Variants in OSBPL10 observed in about 807,000 individuals in gnomAD.
OSBPL10 encodes the protein oxysterol binding protein like 10, also known as oxysterol-binding protein-related protein 10.
OSBPL10 carries 49 observed loss-of-function variants against 81.7 expected under a neutral mutation model. The ratio of observed to expected loss-of-function variants is 0.60; its 90% CI spans 0.48 to 0.76. The LOEUF (loss-of-function observed/expected upper bound fraction) is 0.76. OSBPL10 is among the 30% of genes least tolerant of loss of function. The pLI is 0.00. For missense variants in OSBPL10, 923 were observed against 987.8 expected, an observed-to-expected ratio of 0.93 and a Z score of 0.88; for synonymous variants, 419 against 383.6, an observed-to-expected ratio of 1.09 and a Z score of -1.08.
chr3:31,971,884 A>G (rs1463482627), intron 1 of OSBPL10, among the ~76,000 whole-genome samples: 3 of 152,200 alleles, frequency 2.0e-5, no homozygotes, highest in Non-Finnish European at 4.4e-5. Context: ...CTTTACAGAA[A>G]AGTCTGCTCC....
At chr3:32,025,818 C>G (rs1699400177) in intron 2 of OSBPL10, among the ~76,000 whole-genome samples, 2 of 152,114 alleles carry the variant, frequency 1.3e-5, no homozygotes, top group South Asian at 4.1e-4. Context: ...AATGTCCTCT[C>G]TTTCATTCCT....
chr3:31,828,541 T>C (rs1307236156), intron 4 of OSBPL10, among the ~76,000 whole-genome samples: 2 of 152,216 alleles, frequency 1.3e-5, no homozygotes, highest in East Asian at 3.9e-4. Flanking sequence ...TTTTTCTTTT[T>C]CTTTTTTCTG....
chr3:31,842,662 T>G (rs1700527778), intron 3 of OSBPL10, among the ~76,000 whole-genome samples: 1 of 152,200 alleles, frequency 6.6e-6, no homozygotes, highest in African/African-American at 2.4e-5. Flanking sequence ...CATTTCTTCC[T>G]GTCCCCAGAG....
intron 2 of OSBPL10, among the ~76,000 whole-genome samples, chr3:32,006,460 T>C (rs957364832): frequency 6.6e-6 from 1 of 152,230 alleles, no homozygotes; most frequent in African/African-American, 2.4e-5. Flanking sequence ...TCTAATATAA[T>C]CCATTGAACT....
intron 2 of OSBPL10, among the ~76,000 whole-genome samples, chr3:31,992,574 G>A (rs1172294206): frequency 6.6e-6 from 1 of 152,160 alleles, no homozygotes; most frequent in African/African-American, 2.4e-5. Flanking sequence ...CTCTGGTTCT[G>A]TCATTGCATC....
In OSBPL10 at chr3:32,026,011, C is replaced by CATAGATAGATAG. The variant is rs10662309; in HGVS notation, n.298+20468_298+20479dup. ...TATATGGAGCCTTTATATATACAGA[C>CATAGATAGATAG]ATAGATAGATAGATAGATAGATAGA... is the stretch of plus-strand genomic sequence containing the variant. On this transcript the variant is annotated intron_variant and non_coding_transcript_variant, in intron 2 of 3. Coordinates refer to the OSBPL10 transcript ENST00000479173. Among the ~76,000 whole-genome samples the CATAGATAGATAG allele has an allele frequency of 7.7e-3, 991 of 128,306 alleles. 7 individuals are homozygous for CATAGATAGATAG. Among genetic ancestry groups the CATAGATAGATAG allele is most frequent in the East Asian group, 9.9e-3 (44 of 4,458 alleles). 84.2% of individuals were successfully genotyped at this position (128,306 alleles called of 152,430 possible). A position where few individuals can be genotyped will look rare whatever the true frequency, so the allele number is the denominator to read the frequency against.
intron 1 of OSBPL10, among the ~76,000 whole-genome samples, chr3:31,881,327 T>C (rs930611889): frequency 6.6e-6 from 1 of 152,136 alleles, no homozygotes; most frequent in African/African-American, 2.4e-5. Flanking sequence ...CGTTTCTCCA[T>C]CCATGCATCA....
In OSBPL10 at chr3:32,026,061, A is replaced by AGAT. The variant is rs71628593; in HGVS notation, n.298+20427_298+20429dup. ...ATAGATAGATAGATAGATAGATGAT[A>AGAT]GATAGATAGATAGATAGATAGATAG... On this transcript the variant is annotated intron_variant and non_coding_transcript_variant, in intron 2 of 3. Coordinates refer to the OSBPL10 transcript ENST00000479173. 4.1e-3 allele frequency among the ~76,000 whole-genome samples: 371 copies of AGAT among 90,708 alleles called. 1 individual carries two copies. The highest frequency in any genetic ancestry group is 0.013 in the Middle Eastern group (2 of 160). 59.5% of individuals were successfully genotyped at this position (90,708 alleles called of 152,430 possible).
At chr3:31,934,451 C>T (rs1184805242) in intron 1 of OSBPL10, among the ~76,000 whole-genome samples, 1 of 151,318 alleles carries the variant, frequency 6.6e-6, no homozygotes, top group African/African-American at 2.4e-5. Flanking sequence ...CTCTGGCGCC[C>T]AGGCTGGAGT....
chr3:31,777,708 G>A (rs1050502560), intron 4 of OSBPL10, among the ~76,000 whole-genome samples: 1 of 152,200 alleles, frequency 6.6e-6, no homozygotes, highest in Non-Finnish European at 1.5e-5. Context: ...CAAAGTGTGA[G>A]GGGAGAAACC....
At chr3:31,881,985 C>G (rs1466465894) in intron 1 of OSBPL10, among the ~76,000 whole-genome samples, 2 of 152,222 alleles carry the variant, frequency 1.3e-5, no homozygotes, top group African/African-American at 4.8e-5. Context: ...GATTCTCACT[C>G]AAGTCCTTCC....
rs776095639 is a variant in OSBPL10 at position 31,684,111 on chromosome 3, C to T, written c.1249G>A (p.Val417Met). The T allele has an allele frequency of 6.2e-7, 1 of 1,611,824 alleles. No individual in the cohort carries two copies. Among genetic ancestry groups the T allele is most frequent in the Non-Finnish European group, 8.5e-7 (1 of 1,178,050 alleles). The change falls in exon 8 of 12, where the codon GTG becomes ATG. Residue 417 changes from valine to methionine, a missense_variant. By Grantham distance (21) the Val-to-Met change is conservative. Coordinates refer to ENST00000396556, the MANE Select transcript of OSBPL10 (RefSeq NM_017784.5). The part of the protein sequence containing the change: ...LKLGMDLTKV[V>M]LPTFILEKRS... ...TTCTCCAGGATAAAGGTGGGAAGCA[C>T]CACCTGCATTTGGAAGGACACAAAG... is the stretch of plus-strand genomic sequence containing the variant.
chr3:32,028,141 C>T lies in OSBPL10; in HGVS notation n.298+18350G>A, dbSNP rs1300122020. Among the ~76,000 whole-genome samples the T allele has an allele frequency of 2.0e-5, 3 of 152,190 alleles. No individual in the cohort carries two copies. The East Asian group carries it at 5.8e-4, about 29-fold the overall frequency. On this transcript the variant is annotated intron_variant and non_coding_transcript_variant, in intron 2 of 3. Transcript: ENST00000479173. Reference sequence around the variant, plus strand: ...TCTCAGGCCAGAGCTCTTGTTGCTCCTGCTAAAGGAGGAGGACATACACAT... The same window carrying T: ...TCTCAGGCCAGAGCTCTTGTTGCTCTTGCTAAAGGAGGAGGACATACACAT...
At chr3:31,892,853 G>A (rs1559507893) in intron 1 of OSBPL10, among the ~76,000 whole-genome samples, 1 of 152,168 alleles carries the variant, frequency 6.6e-6, no homozygotes, top group East Asian at 1.9e-4. Flanking sequence ...GCAAGCCACG[G>A]ACCAGCAGAC....
chr3:31,888,509 G>C (rs1035338771), intron 1 of OSBPL10, among the ~76,000 whole-genome samples: 1 of 152,082 alleles, frequency 6.6e-6, no homozygotes, highest in African/African-American at 2.4e-5. Context: ...GTGCAACAAA[G>C]GAAACAACAG....
intron 3 of OSBPL10, among the ~76,000 whole-genome samples, chr3:31,873,876 A>G (rs1293255216): frequency 1.3e-5 from 2 of 152,208 alleles, no homozygotes; most frequent in Non-Finnish European, 2.9e-5. Context: ...GTCACTGAAT[A>G]ATAAGGTCTG....
At chr3:32,034,427 C>G (rs922506301) in intron 2 of OSBPL10, among the ~76,000 whole-genome samples, 4 of 130,062 alleles carry the variant, frequency 3.1e-5, no homozygotes, top group South Asian at 2.7e-4. Flanking sequence ...GGTGACAGAG[C>G]GAGACCCTGT....
intron 2 of OSBPL10, chr3:31,988,854 A>G (rs890122981): frequency 1.7e-5 from 10 of 595,916 alleles, no homozygotes; most frequent in East Asian, 2.8e-5. Flanking sequence ...GACTGCAGCC[A>G]TGACCCACAG....
At chr3:31,937,682 G>C (rs976512303) in intron 1 of OSBPL10, among the ~76,000 whole-genome samples, 5 of 126,694 alleles carry the variant, frequency 3.9e-5, no homozygotes, top group African/African-American at 1.6e-4. Context: ...CCTTTGTACT[G>C]AACCTCTTGG....
Sources: allele counts gnomAD v4.1 joint callset (sites outside exome capture counted in the v4.1 genomes callset), GRCh38; gene constraint gnomAD v4.1.1; transcripts MANE v1.5; gene names NCBI Gene and HGNC (gene_info 2026-07-23, HGNC 2026-07-21).